The following ME2 variants were observed in gnomAD, a reference collection of about 807,000 sequenced individuals.
ME2 encodes the protein NAD-dependent malic enzyme, mitochondrial.
ME2 carries 60 observed loss-of-function variants against 73.7 expected under a neutral mutation model. That is an observed-to-expected ratio of 0.81 (90% CI 0.66 to 1.01). The LOEUF (loss-of-function observed/expected upper bound fraction) is 1.01. Ranked by LOEUF, ME2 falls within the 50% of genes least tolerant of loss-of-function variation. ME2 has a pLI of 0.00. For missense variants in ME2, 594 were observed against 705.5 expected (o/e 0.84, Z 1.79); for synonymous variants, 199 against 236.9 (o/e 0.84, Z 1.47).
rs1199318491 is a variant in ME2, at chr18:50,932,281, C to T, written c.1338C>T (p.Gly446=). ...LTEGRCLFAS[G]SPFGPVKLTD... is the part of the protein sequence containing the mutation. ...AGGGCAGGTGTTTGTTTGCCAGTGG[C>T]AGTCCATTTGGGCCAGTGAAACTTA... Residue 446 remains glycine, a synonymous_variant, in exon 13 of 16, where the codon GGC becomes GGT. Coordinates refer to ENST00000321341, the MANE Select transcript of ME2 (RefSeq NM_002396.5). 11 of 1,611,858 alleles carry T rather than the reference C, an allele frequency of 6.8e-6. No individual in the cohort carries two copies. In the South Asian group the frequency reaches 1.1e-4, roughly 16 times the overall value.
At chr18:50,895,582 C>T (rs80207249) in intron 1 of ME2, among the ~76,000 whole-genome samples, 3,335 of 152,260 alleles carry the variant, frequency 0.022, 58 homozygotes, top group Non-Finnish European at 0.028. Context: ...ATGTTTTTTG[C>T]AGTGTCTGAT....
At position 50,953,194 on chromosome 18, in the gene ME2, G is replaced by C. The variant is rs1918259225; in HGVS notation, c.*6010G>C. 6.6e-6 allele frequency: 1 copy of C among 151,808 alleles called. No homozygotes were observed. Among genetic ancestry groups the C allele is most frequent in the Admixed American group, 6.6e-5 (1 of 15,230 alleles). 9.4% of individuals were successfully genotyped at this position (151,808 alleles called of 1,614,324 possible). On this transcript the variant is annotated 3_prime_UTR_variant, in exon 16 of 16. Transcript: ENST00000321341. ...AGCTCACTGCAAGCTCCGCCTCCCG[G>C]GTTATGCCATTCTCCTGCCTCAGCC...
rs1444846650 is a variant in ME2, at chr18:50,951,386, A to T, written c.*4202A>T. On this transcript the variant is annotated 3_prime_UTR_variant, in exon 16 of 16. Transcript: ENST00000321341. ...AGTGAAGAAAGCCTTGCCTTGGGAA[A>T]AATACTTCAAATGCTCCCATAGTTT... 1 of 152,224 alleles carries T rather than the reference A, an allele frequency of 6.6e-6. No homozygotes were observed. Among genetic ancestry groups the T allele is most frequent in the Non-Finnish European group, 1.5e-5 (1 of 68,042 alleles). 9.4% of individuals were successfully genotyped at this position (152,224 alleles called of 1,614,324 possible).
chr18:50,883,448 C>T (rs1916373166), intron 1 of ME2, among the ~76,000 whole-genome samples: 1 of 152,198 alleles, frequency 6.6e-6, no homozygotes, highest in Non-Finnish European at 1.5e-5. Flanking sequence ...GTAAATACCA[C>T]CCAGAGGGTG....
At chr18:50,881,184 A>G (rs893177450) in intron 1 of ME2, among the ~76,000 whole-genome samples, 1 of 152,100 alleles carries the variant, frequency 6.6e-6, no homozygotes, top group African/African-American at 2.4e-5. Flanking sequence ...ATGCACCACC[A>G]TGCCCGGCTA....
chr18:50,949,583 C>CTA lies in ME2; in HGVS notation c.*2399_*2400insTA, dbSNP rs1918174006. On this transcript the variant is annotated 3_prime_UTR_variant, in exon 16 of 16. Coordinates refer to ENST00000321341, the MANE Select transcript of ME2 (RefSeq NM_002396.5). ...TCTGTGTGAAATCTTGATTTTAGTT[C>CTA]AACCTAAGAAATATAATAAATATAA... The CTA allele has an allele frequency of 6.6e-6, 1 of 152,152 alleles. No homozygotes were observed. Among genetic ancestry groups the CTA allele is most frequent in the South Asian group, 2.1e-4 (1 of 4,828 alleles). The allele number at this position is 152,152 out of a possible 1,614,324, so 9.4% of individuals were successfully genotyped here.
intron 1 of ME2, among the ~76,000 whole-genome samples, chr18:50,886,818 T>G (rs927753180): frequency 6.6e-5 from 10 of 151,856 alleles, no homozygotes; most frequent in Admixed American, 6.6e-4. Flanking sequence ...CTGGGCAACA[T>G]AGAGAGACCC....
At chr18:50,940,716 T>A (rs569982801) in intron 15 of ME2, among the ~76,000 whole-genome samples, 23 of 152,326 alleles carry the variant, frequency 1.5e-4, no homozygotes, top group Admixed American at 1.2e-3. Context: ...TCCTCCTGCC[T>A]TGGACTCCCA....
intron 2 of ME2, among the ~76,000 whole-genome samples, chr18:50,898,043 G>C (rs2144200900): frequency 6.6e-6 from 1 of 152,158 alleles, no homozygotes; most frequent in East Asian, 1.9e-4. Flanking sequence ...CCAATTCATG[G>C]GTTATAGACT....
chr18:50,893,460 G>A (rs917942715), intron 1 of ME2, among the ~76,000 whole-genome samples: 16 of 152,150 alleles, frequency 1.1e-4, no homozygotes, highest in Non-Finnish European at 5.9e-5. Flanking sequence ...AATATGTTGT[G>A]TTACCTTTCC....
At chr18:50,879,520 A>T (rs997701219) in intron 1 of ME2, among the ~76,000 whole-genome samples, 3 of 152,096 alleles carry the variant, frequency 2.0e-5, no homozygotes, top group Admixed American at 2.0e-4. Flanking sequence ...CATCGCGGCG[A>T]CCCAGGTTCC....
chr18:50,920,433 A>G (rs929522394), intron 7 of ME2, 23 bp from the exon 8 acceptor site: 39 of 1,465,564 alleles, frequency 2.7e-5, no homozygotes, highest in Admixed American at 3.9e-5. Flanking sequence ...CAACACAACT[A>G]TTGTGGGTTT....
intron 13 of ME2, chr18:50,933,823 A>C (rs1367567269): frequency 6.6e-6 from 1 of 151,960 alleles, no homozygotes; most frequent in Non-Finnish European, 1.5e-5. Flanking sequence ...CCCGCCCTCT[A>C]CCCTTAAGTA....
At chr18:50,880,405 T>C (rs1393442276) in intron 1 of ME2, among the ~76,000 whole-genome samples, 1 of 152,240 alleles carries the variant, frequency 6.6e-6, no homozygotes, top group African/African-American at 2.4e-5. Flanking sequence ...CTCATGTTGT[T>C]AAGCTAATTG....
rs1918161496 is a variant in ME2, at chr18:50,949,058, T to A, written c.*1874T>A. 5 of 151,658 alleles carry A rather than the reference T, an allele frequency of 3.3e-5. No homozygotes were observed. The highest frequency in any genetic ancestry group is 7.4e-5 in the Non-Finnish European group (5 of 67,974). 9.4% of individuals were successfully genotyped at this position (151,658 alleles called of 1,614,324 possible). On this transcript the variant is annotated 3_prime_UTR_variant, in exon 16 of 16. Coordinates refer to ENST00000321341, the MANE Select transcript of ME2 (RefSeq NM_002396.5). ...TTTCACCATGTTGGCCAGGCTGGTC[T>A]CAAAATCCTGACTTCAGGTGATCCA...
intron 12 of ME2, among the ~76,000 whole-genome samples, chr18:50,926,294 G>C (rs545516286): frequency 6.6e-6 from 1 of 151,602 alleles, no homozygotes; most frequent in South Asian, 2.1e-4. Flanking sequence ...TAGGTCTAAT[G>C]AATTCTCTTG....
chr18:50,927,759 A>G (rs1439216530), intron 12 of ME2, among the ~76,000 whole-genome samples: 1 of 85,022 alleles, frequency 1.2e-5, no homozygotes, highest in Non-Finnish European at 2.4e-5. Flanking sequence ...TATACACACC[A>G]CAGTACTGTT....
At position 50,918,163 on chromosome 18, in the gene ME2, A is replaced by C; in HGVS notation, c.684A>C (p.Thr228=). The change falls in exon 7 of 16, where the codon ACA becomes ACC. Residue 228 remains threonine (T), a synonymous_variant. Coordinates refer to ENST00000321341, the MANE Select transcript of ME2 (RefSeq NM_002396.5). ...GCTTGTACCAGAAACGAGATCGCAC[A>C]CAACAGTATGATGACCTGATTGATG... ...YMGLYQKRDR[T]QQYDDLIDEF... is the part of the protein sequence containing the mutation. 1 of 1,610,980 alleles carries C rather than the reference A, an allele frequency of 6.2e-7. No individual in the cohort carries two copies. The highest frequency in any genetic ancestry group is 8.5e-7 in the Non-Finnish European group (1 of 1,177,800).
intron 13 of ME2, chr18:50,934,630 A>G (rs965844312): frequency 2.0e-5 from 3 of 152,180 alleles, no homozygotes; most frequent in Non-Finnish European, 4.4e-5. Flanking sequence ...CCTGGGCAAC[A>G]AAGTGAGACT....
Sources: allele counts gnomAD v4.1 joint callset (sites outside exome capture counted in the v4.1 genomes callset), GRCh38; gene constraint gnomAD v4.1.1; transcripts MANE v1.5; gene names NCBI Gene and HGNC (gene_info 2026-07-23, HGNC 2026-07-21).